PARD3B: variants seen among roughly 807,000 people sequenced by gnomAD.
PARD3B encodes the protein par-3 family cell polarity regulator beta, also known as partitioning defective 3 homolog B.
In PARD3B, 103 loss-of-function variants were observed where a neutral mutation model predicts 130.2. That is an observed-to-expected ratio of 0.79 (90% confidence interval 0.67 to 0.93). The LOEUF (loss-of-function observed/expected upper bound fraction) is 0.93, where lower values mean the gene tolerates loss of function less well. Among genes scored for constraint, PARD3B ranks in the 40% least tolerant of loss-of-function variants. The probability of loss-of-function intolerance (pLI) is 0.00; values close to 1 mark genes in which losing one functional copy is unlikely to be tolerated. For synonymous variants in PARD3B, 583 were observed against 553.2 expected (o/e 1.05, Z -0.76); for missense variants, 1,609 against 1,499.2 (o/e 1.07, Z -1.21).
rs1703799968 is a variant in PARD3B at position 205,113,471 on chromosome 2, C to T, written c.594-20C>T. ...TTTTTAGCAGACACTCATTTGTGCT[C>T]TTGTTTTTTTCTGCCCCAGTGATAT... On this transcript the variant is annotated intron_variant, in intron 5 of 22. Transcript: ENST00000406610. 2.5e-6 allele frequency: 4 copies of T among 1,592,050 alleles called. No homozygotes were observed. Among genetic ancestry groups the T allele is most frequent in the African/African-American group, 1.4e-5 (1 of 73,916 alleles).
At chr2:205,598,607 A>G (rs1361845317) in intron 22 of PARD3B, among the ~76,000 whole-genome samples, 1 of 152,142 alleles carries the variant, frequency 6.6e-6, no homozygotes, top group Non-Finnish European at 1.5e-5. Flanking sequence ...TCCATACTTG[A>G]CCTATTGGAC....
intron 1 of PARD3B, among the ~76,000 whole-genome samples, chr2:204,589,864 C>A (rs1214213100): frequency 3.3e-5 from 5 of 152,024 alleles, no homozygotes; most frequent in South Asian, 4.2e-4. Context: ...TGGCACAGTC[C>A]CTTGTTTCAA....
chr2:205,044,903 G>T (rs1698659868), intron 3 of PARD3B, among the ~76,000 whole-genome samples: 1 of 152,062 alleles, frequency 6.6e-6, no homozygotes, highest in Non-Finnish European at 1.5e-5. Context: ...TCTAGGAAGG[G>T]TTGTTTAAAA....
chr2:205,267,805 T>G (rs2105787501), intron 16 of PARD3B, among the ~76,000 whole-genome samples: 1 of 152,276 alleles, frequency 6.6e-6, no homozygotes, highest in East Asian at 1.9e-4. Flanking sequence ...AATATGAAAT[T>G]TTAAGGTTCT....
intron 2 of PARD3B, among the ~76,000 whole-genome samples, chr2:204,813,571 G>C (rs186256470): frequency 3.9e-5 from 6 of 152,122 alleles, no homozygotes; most frequent in African/African-American, 1.4e-4. Context: ...TTAGTGTCAT[G>C]TCTAAGAAAC....
intron 3 of PARD3B, among the ~76,000 whole-genome samples, chr2:204,998,762 A>G (rs1196645800): frequency 2.6e-5 from 4 of 152,042 alleles, no homozygotes; most frequent in Non-Finnish European, 5.9e-5. Flanking sequence ...TTGCCAGGCT[A>G]GAGTGCAATG....
At position 205,458,579 on chromosome 2, in the gene PARD3B, C is replaced by G. The variant is rs935402410; in HGVS notation, c.3044+17907C>G. 6.6e-6 allele frequency among the ~76,000 whole-genome samples: 1 copy of G among 152,162 alleles called. No individual in the cohort carries two copies. Among genetic ancestry groups the G allele is most frequent in the Admixed American group, 6.6e-5 (1 of 15,264 alleles). ...TTGTTTGTTTTACCCTGAGATGCTA[C>G]TTCTCTGATGAAATTCTCCATCATA... On this transcript the variant is annotated intron_variant, in intron 20 of 22. Transcript: ENST00000406610. The surrounding 1 kb of genome is among the most constrained non-coding windows in gnomAD (Gnocchi z 4.8).
At chr2:204,842,009 G>A (rs1195653401) in intron 2 of PARD3B, among the ~76,000 whole-genome samples, 1 of 152,050 alleles carries the variant, frequency 6.6e-6, no homozygotes. Flanking sequence ...ATTCCAGAAG[G>A]TTCAACTGCC....
intron 21 of PARD3B, among the ~76,000 whole-genome samples, chr2:205,520,841 A>C (rs1322041958): frequency 6.6e-6 from 1 of 152,066 alleles, no homozygotes; most frequent in East Asian, 1.9e-4. Flanking sequence ...TTTAATGCAT[A>C]GTATTTTCTA....
chr2:205,564,286 A>G lies in PARD3B; in HGVS notation c.3260+10883A>G, dbSNP rs2053242283. Among the ~76,000 whole-genome samples the G allele has an allele frequency of 6.6e-6, 1 of 152,142 alleles. No homozygotes were observed. Among genetic ancestry groups the G allele is most frequent in the African/African-American group, 2.4e-5 (1 of 41,432 alleles). ...GCCCTCACTGCTCTGATCCCACCCT[A>G]AATCACTGCAGTGTATATTAAAATG... On this transcript the variant is annotated intron_variant, in intron 22 of 22. Coordinates refer to ENST00000406610, the MANE Select transcript of PARD3B (RefSeq NM_001302769.2). This position sits in a 1 kb window ranked among gnomAD's most constrained non-coding sequence, Gnocchi z 4.6.
At chr2:204,892,857 A>G (rs932203944) in intron 2 of PARD3B, among the ~76,000 whole-genome samples, 6 of 152,200 alleles carry the variant, frequency 3.9e-5, no homozygotes, top group African/African-American at 1.4e-4. Context: ...GGAAAGGGAG[A>G]ATCAGTAAGT....
At chr2:204,966,385 G>A (rs944785416) in intron 3 of PARD3B, among the ~76,000 whole-genome samples, 2 of 152,124 alleles carry the variant, frequency 1.3e-5, no homozygotes, top group African/African-American at 4.8e-5. Context: ...CTGGAACGTG[G>A]CTGCTGGAGG....
chr2:204,855,379 TA>T (rs1212288366), intron 2 of PARD3B, among the ~76,000 whole-genome samples: 6 of 151,770 alleles, frequency 4.0e-5, no homozygotes, highest in Non-Finnish European at 8.8e-5. Flanking sequence ...CCGTCTCTAC[TA>T]AAAATACAAA....
chr2:205,593,961 A>C (rs1480965773), intron 22 of PARD3B, among the ~76,000 whole-genome samples: 2 of 152,190 alleles, frequency 1.3e-5, no homozygotes, highest in East Asian at 3.9e-4. Context: ...CTCTTATGAG[A>C]AGAAAAGCAC....
At chr2:205,409,646 A>G (rs1004128975) in intron 19 of PARD3B, among the ~76,000 whole-genome samples, 1 of 152,210 alleles carries the variant, frequency 6.6e-6, no homozygotes, top group Non-Finnish European at 1.5e-5. Context: ...GGATTAATAC[A>G]TAAAATGAAT....
intron 3 of PARD3B, among the ~76,000 whole-genome samples, chr2:205,027,173 C>G (rs1697097035): frequency 6.6e-6 from 1 of 152,098 alleles, no homozygotes; most frequent in African/African-American, 2.4e-5. Flanking sequence ...AATTTCCATT[C>G]CCATCGTGCA....
chr2:205,040,944 C>T (rs891572322), intron 3 of PARD3B, among the ~76,000 whole-genome samples: 6 of 152,100 alleles, frequency 3.9e-5, no homozygotes, highest in Admixed American at 1.3e-4. Flanking sequence ...AACAGGTTAT[C>T]GTGTTAATCC....
chr2:205,237,922 G>A (rs1057244938), intron 15 of PARD3B, among the ~76,000 whole-genome samples: 7 of 152,038 alleles, frequency 4.6e-5, no homozygotes, highest in Non-Finnish European at 8.8e-5. Context: ...ACCCTTCCTT[G>A]CTAGGAACTT....
chr2:205,046,705 T>A (rs917173619), intron 3 of PARD3B, among the ~76,000 whole-genome samples: 1 of 152,200 alleles, frequency 6.6e-6, no homozygotes. Flanking sequence ...GCATTTCAAC[T>A]GTTTTCTACT....
Sources: gnomAD v4.1 joint callset for allele counts (sites outside exome capture counted in the v4.1 genomes callset) on GRCh38, gnomAD v4.1.1 for gene constraint, Gnocchi (gnomAD v3.1) non-coding constraint, MANE v1.5 for transcripts, NCBI Gene and HGNC (gene_info 2026-07-23, HGNC 2026-07-21) for gene names.